The following PDHX variants were observed in gnomAD, a reference collection of about 807,000 sequenced individuals.
PDHX encodes the protein pyruvate dehydrogenase complex component X.
In PDHX, 33 loss-of-function variants were observed where a neutral mutation model predicts 55.3. The observed-to-expected ratio is 0.60, with a 90% CI of 0.45 to 0.80. The LOEUF (loss-of-function observed/expected upper bound fraction) is 0.80, where lower values mean the gene tolerates loss of function less well. Among genes scored for constraint, PDHX ranks in the 30% least tolerant of loss-of-function variants. PDHX has a pLI of 0.00. For synonymous variants in PDHX, 226 were observed against 219.4 expected (o/e 1.03, Z -0.27); for missense variants, 622 against 619.9 (o/e 1.00, Z -0.04).
At position 34,991,218 on chromosome 11, in the gene PDHX, C is replaced by T. The variant is rs80140324; in HGVS notation, c.1183-1097C>T. On this transcript the variant is annotated intron_variant, in intron 9 of 10. Coordinates refer to ENST00000227868, the MANE Select transcript of PDHX (RefSeq NM_003477.3). ...AAGTACATCCTTATATTCCTTGTGG[C>T]AGTGTAAATTGGACTAGCTCATTCA... Among the ~76,000 whole-genome samples, 477 of 152,224 alleles carry T rather than the reference C, an allele frequency of 3.1e-3. 2 individuals are homozygous for T. Among genetic ancestry groups the T allele is most frequent in the African/African-American group, 0.011 (460 of 41,554 alleles).
Position 34,995,206 on chromosome 11 carries a change from TTGA to T in PDHX, c.*36_*38del. The T allele has an allele frequency of 6.2e-7, 1 of 1,610,158 alleles. No homozygotes were observed. The highest frequency in any genetic ancestry group is 1.1e-5 in the South Asian group (1 of 90,526). ...GATAAGAAGTTGGTGTTCAGCTTAGTTGATTCAGTAGTTGTTACCAAGAAACAT... is the reference window on the plus strand; with the variant it reads ...GATAAGAAGTTGGTGTTCAGCTTAGTTTCAGTAGTTGTTACCAAGAAACAT... On this transcript the variant is annotated 3_prime_UTR_variant, in exon 11 of 11. Transcript: ENST00000227868.
intron 5 of PDHX, 35 bp downstream of exon 5, chr11:34,960,553 T>C: frequency 8.3e-7 from 1 of 1,200,278 alleles, no homozygotes; most frequent in South Asian, 1.2e-5. Flanking sequence ...CCAGTTCCAT[T>C]ATTTATTATG....
intron 9 of PDHX, among the ~76,000 whole-genome samples, chr11:34,988,791 A>G (rs891117692): frequency 6.6e-6 from 1 of 152,200 alleles, no homozygotes; most frequent in African/African-American, 2.4e-5. Context: ...GTGTGGTTTC[A>G]GTTACCCGTG....
chr11:34,940,154 A>T (rs1251837819), intron 2 of PDHX, among the ~76,000 whole-genome samples: 1 of 152,170 alleles, frequency 6.6e-6, no homozygotes, highest in Non-Finnish European at 1.5e-5. Flanking sequence ...CTCTGCCGTG[A>T]AGCACTATGG....
At chr11:34,916,560 G>A (rs944600231), upstream of PDHX, 5 of 1,536,788 alleles carry the variant, frequency 3.3e-6, no homozygotes, top group South Asian at 3.6e-5. Flanking sequence ...TAAAGGCACC[G>A]CTAGCGTCTG....
chr11:34,919,871 C>T (rs1475986797), intron 1 of PDHX, among the ~76,000 whole-genome samples: 1 of 152,210 alleles, frequency 6.6e-6, no homozygotes, highest in Non-Finnish European at 1.5e-5. Flanking sequence ...GTATTTGCCA[C>T]ATGGCACATT....
At chr11:34,971,239 G>C (rs1189424533) in intron 7 of PDHX, among the ~76,000 whole-genome samples, 1 of 152,080 alleles carries the variant, frequency 6.6e-6, no homozygotes, top group African/African-American at 2.4e-5. Flanking sequence ...GAGACATACA[G>C]ATTTTTTAGC....
intron 3 of PDHX, among the ~76,000 whole-genome samples, chr11:34,953,719 T>C (rs1177066914): frequency 2.0e-5 from 3 of 152,224 alleles, no homozygotes; most frequent in African/African-American, 7.2e-5. Flanking sequence ...CCATCTCTGA[T>C]GTTAGACTAC....
intron 2 of PDHX, among the ~76,000 whole-genome samples, chr11:34,943,906 T>G (rs974318750): frequency 6.6e-6 from 1 of 152,140 alleles, no homozygotes; most frequent in Admixed American, 6.5e-5. Context: ...CAAAGCATCC[T>G]GACCTCACCT....
chr11:34,980,161 T>TCAA (rs1855476641), intron 8 of PDHX, among the ~76,000 whole-genome samples: 1 of 140,724 alleles, frequency 7.1e-6, no homozygotes, highest in Non-Finnish European at 1.6e-5. Context: ...ATTTTGTTTC[T>TCAA]TATAATTATT....
At chr11:34,979,585 A>G (rs1203230290) in intron 8 of PDHX, among the ~76,000 whole-genome samples, 1 of 152,200 alleles carries the variant, frequency 6.6e-6, no homozygotes, top group East Asian at 1.9e-4. Context: ...TTAATACAGA[A>G]CTTAAAAAGC....
At chr11:34,916,501 G>A (rs886048246), upstream of PDHX, 37 of 1,457,534 alleles carry the variant, frequency 2.5e-5, no homozygotes, top group Non-Finnish European at 2.6e-5. Flanking sequence ...GGCCAACGTG[G>A]TTGGAGGCGG....
At chr11:34,969,361 C>T (rs1264535705) in intron 6 of PDHX, among the ~76,000 whole-genome samples, 16 of 135,754 alleles carry the variant, frequency 1.2e-4, no homozygotes, top group African/African-American at 3.8e-4. Flanking sequence ...TTTTTTTTTT[C>T]CCGAAACAAT....
At chr11:34,972,638 A>T (rs1376029134) in intron 7 of PDHX, among the ~76,000 whole-genome samples, 1 of 152,102 alleles carries the variant, frequency 6.6e-6, no homozygotes, top group African/African-American at 2.4e-5. Context: ...GCCTCAAGTG[A>T]TCCACCCACC....
chr11:34,985,404 G>A (rs1007534027), intron 9 of PDHX, among the ~76,000 whole-genome samples: 2 of 152,186 alleles, frequency 1.3e-5, no homozygotes, highest in East Asian at 1.9e-4. Context: ...TTGCGCCACC[G>A]TACTCCAGCC....
intron 3 of PDHX, among the ~76,000 whole-genome samples, chr11:34,951,355 G>A (rs552963216): frequency 3.1e-4 from 47 of 152,112 alleles, no homozygotes; most frequent in African/African-American, 7.9e-4. Context: ...CACCGCGCCC[G>A]GCCTGTTTCC....
intron 9 of PDHX, among the ~76,000 whole-genome samples, chr11:34,985,145 A>C (rs1409907217): frequency 1.3e-5 from 2 of 152,226 alleles, no homozygotes; most frequent in Non-Finnish European, 2.9e-5. Context: ...AATTGAGACC[A>C]TTAAAAGAAC....
intron 7 of PDHX, among the ~76,000 whole-genome samples, chr11:34,975,468 T>A (rs1032399140): frequency 2.6e-5 from 4 of 152,234 alleles, no homozygotes; most frequent in African/African-American, 4.8e-5. Context: ...AATTTTTGTT[T>A]ACCTAGCTTC....
chr11:34,969,001 G>A (rs1855195599), intron 6 of PDHX, among the ~76,000 whole-genome samples: 1 of 152,148 alleles, frequency 6.6e-6, no homozygotes, highest in African/African-American at 2.4e-5. Context: ...AGAAAGCAGT[G>A]CAGTATTTCC....
Sources: gnomAD v4.1 joint callset for allele counts (sites outside exome capture counted in the v4.1 genomes callset) on GRCh38, gnomAD v4.1.1 for gene constraint, MANE v1.5 for transcripts, NCBI Gene and HGNC (gene_info 2026-07-23, HGNC 2026-07-21) for gene names.